Variants in PPP2R2D observed in about 807,000 individuals in gnomAD.
PPP2R2D encodes serine/threonine-protein phosphatase 2A 55 kDa regulatory subunit B delta isoform.
A neutral mutation model predicts 31.1 loss-of-function variants in PPP2R2D; 9 were observed. The observed-to-expected ratio is 0.29, with a 90% CI of 0.17 to 0.51. The LOEUF (loss-of-function observed/expected upper bound fraction) is 0.51, where lower values mean the gene tolerates loss of function less well. Among genes scored for constraint, PPP2R2D ranks in the 20% least tolerant of loss-of-function variants. The pLI is 0.98. For missense variants in PPP2R2D, 391 were observed against 465.6 expected (o/e 0.84, Z 1.48); for synonymous variants, 179 against 172.6 (o/e 1.04, Z -0.29).
intron 2 of PPP2R2D, among the ~76,000 whole-genome samples, chr10:131,928,598 G>C (rs1589941873): frequency 6.6e-6 from 1 of 152,232 alleles, no homozygotes; most frequent in South Asian, 2.1e-4. Context: ...TGGACATTGG[G>C]CTCTGAGGCT....
At chr10:131,903,991 G>A (rs1589918008) in intron 2 of PPP2R2D, among the ~76,000 whole-genome samples, 1 of 151,972 alleles carries the variant, frequency 6.6e-6, no homozygotes, top group South Asian at 2.1e-4. Context: ...ATCACTTGAG[G>A]TCAGGAGTTT....
At position 131,945,625 on chromosome 10, in the gene PPP2R2D, A is replaced by C; in HGVS notation, c.820+166A>C. ...CAGGCAGGTGCCACCATGCCCAGCT[A>C]GTTTTTGTATTTTTAGTACAGACAG... On this transcript the variant is annotated intron_variant, in intron 7 of 8. Transcript: ENST00000455566. The surrounding 1 kb of genome is among the most constrained non-coding windows in gnomAD (Gnocchi z 4.8). 2.7e-6 allele frequency: 2 copies of C among 751,248 alleles called. No individual in the cohort carries two copies. Among genetic ancestry groups the C allele is most frequent in the Non-Finnish European group, 4.2e-6 (2 of 478,458 alleles). The allele number at this position is 751,248 out of a possible 1,614,324, so 46.5% of individuals were successfully genotyped here. A position where few individuals can be genotyped will look rare whatever the true frequency, so the allele number is the denominator to read the frequency against.
intron 8 of PPP2R2D, among the ~76,000 whole-genome samples, chr10:131,953,767 G>C (rs1277652631): frequency 8.0e-6 from 1 of 125,544 alleles, no homozygotes; most frequent in African/African-American, 3.0e-5. Context: ...TTAGTGACTT[G>C]CGAGTGTGCG....
Position 131,947,411 on chromosome 10 carries a change from G to A in PPP2R2D, c.821-119G>A. The A allele has an allele frequency of 2.0e-6, 2 of 1,017,886 alleles. No individual in the cohort carries two copies. Among genetic ancestry groups the A allele is most frequent in the Non-Finnish European group, 2.8e-6 (2 of 710,922 alleles). 63.1% of individuals were successfully genotyped at this position (1,017,886 alleles called of 1,614,324 possible). Reference sequence around the variant, plus strand: ...AGAATCAGAAAGATCAGAAGACCTAGTGTTGAGGCCAAGCCCTTCCAGAGT... The same window carrying A: ...AGAATCAGAAAGATCAGAAGACCTAATGTTGAGGCCAAGCCCTTCCAGAGT... On this transcript the variant is annotated intron_variant, in intron 7 of 8. Transcript: ENST00000455566. This position sits in a 1 kb window ranked among gnomAD's most constrained non-coding sequence, Gnocchi z 4.3.
intron 2 of PPP2R2D, among the ~76,000 whole-genome samples, chr10:131,923,923 A>C (rs1589937331): frequency 6.6e-6 from 1 of 152,068 alleles, no homozygotes; most frequent in East Asian, 1.9e-4. Flanking sequence ...CAGCCGGCTA[A>C]CTTTTAAAAA....
chr10:131,935,104 A>G, intron 3 of PPP2R2D: 2 of 376,436 alleles, frequency 5.3e-6, no homozygotes, highest in South Asian at 3.8e-5. Flanking sequence ...CCCACAGCTC[A>G]TAAGCAAGCA....
chr10:131,952,014 G>T (rs1169869337), intron 8 of PPP2R2D, among the ~76,000 whole-genome samples: 2 of 151,572 alleles, frequency 1.3e-5, no homozygotes, highest in Non-Finnish European at 2.9e-5. Flanking sequence ...TCTCTTAGCA[G>T]TGACTTGCGG....
intron 2 of PPP2R2D, among the ~76,000 whole-genome samples, chr10:131,921,990 C>T (rs1231946738): frequency 6.6e-6 from 1 of 152,168 alleles, no homozygotes; most frequent in Non-Finnish European, 1.5e-5. Context: ...TCTCATTTTT[C>T]AGCATGGCAT....
chr10:131,947,733 C>T lies in PPP2R2D; in HGVS notation c.1024C>T (p.Leu342Phe). Reference sequence around the variant, plus strand: ...GTACCTGCGCAGCAAGCTCTGCTCTCTCTATGAGAACGACTGCATCTTTGA... The same window carrying T: ...GTACCTGCGCAGCAAGCTCTGCTCTTTCTATGAGAACGACTGCATCTTTGA... ...HEYLRSKLCS[L>F]YENDCIFDKF... Residue 342 changes from leucine (L) to phenylalanine (F), a missense_variant, in exon 8 of 9, where the codon CTC becomes TTC. Leu to Phe is a conservative substitution (Grantham distance 22). Coordinates refer to ENST00000455566, the MANE Select transcript of PPP2R2D (RefSeq NM_018461.5). The surrounding 1 kb of genome is among the most constrained non-coding windows in gnomAD (Gnocchi z 4.3). 6.2e-7 allele frequency: 1 copy of T among 1,614,194 alleles called. No homozygotes were observed. Among genetic ancestry groups the T allele is most frequent in the Non-Finnish European group, 8.5e-7 (1 of 1,180,040 alleles).
chr10:131,913,482 A>G (rs891398234), intron 2 of PPP2R2D, among the ~76,000 whole-genome samples: 41 of 152,112 alleles, frequency 2.7e-4, no homozygotes, highest in African/African-American at 9.4e-4. Context: ...GATTTTTTGT[A>G]TTGCTGTTGC....
chr10:131,970,462 G>A, the PPP2R2D span: 2 of 931,192 alleles, frequency 2.1e-6, no homozygotes, highest in Non-Finnish European at 1.6e-6. The surrounding 1 kb of genome is among the most constrained non-coding windows in gnomAD (Gnocchi z 4.1). Context: ...GGGGCCTTTG[G>A]GGGCTGCAGG....
intron 2 of PPP2R2D, among the ~76,000 whole-genome samples, chr10:131,908,011 C>T (rs1399818129): frequency 6.6e-6 from 1 of 152,184 alleles, no homozygotes; most frequent in African/African-American, 2.4e-5. Flanking sequence ...GAAGTTAAAT[C>T]AGAAGCTTTT....
At position 131,943,949 on chromosome 10, in the gene PPP2R2D, T is replaced by C. The variant is rs782133524; in HGVS notation, c.478-19T>C. On this transcript the variant is annotated intron_variant, in intron 5 of 8. Transcript: ENST00000455566. ...TGCTGTGATCTTTGTTTTGAATTCC[T>C]ATTTCCTTCCATTTTTAGGTCCCAA... is the stretch of plus-strand genomic sequence containing the variant. 8.7e-6 allele frequency: 7 copies of C among 806,876 alleles called. No individual in the cohort carries two copies. Among genetic ancestry groups the C allele is most frequent in the Non-Finnish European group, 1.6e-5 (7 of 446,334 alleles). The allele number at this position is 806,876 out of a possible 1,614,324, so 50.0% of individuals were successfully genotyped here.
At chr10:131,942,681 A>G (rs1459315410) in intron 5 of PPP2R2D, among the ~76,000 whole-genome samples, 2 of 152,218 alleles carry the variant, frequency 1.3e-5, no homozygotes, top group East Asian at 3.9e-4. Context: ...CAGCCTGGGC[A>G]ACATAGCCAG....
chr10:131,932,136 G>A (rs1473791149), intron 2 of PPP2R2D, among the ~76,000 whole-genome samples: 2 of 152,130 alleles, frequency 1.3e-5, no homozygotes, highest in South Asian at 2.1e-4. Context: ...GGGTGGCTGC[G>A]GACACTTTGC....
intron 5 of PPP2R2D, 125 bp downstream of exon 5, chr10:131,940,819 T>C: frequency 3.4e-6 from 2 of 584,750 alleles, no homozygotes; most frequent in Middle Eastern, 5.3e-4. Flanking sequence ...GCCTCGTGAT[T>C]CCTGAAAGTC....
downstream of PPP2R2D, among the ~76,000 whole-genome samples, chr10:131,961,220 C>G (rs1247071699): frequency 6.6e-6 from 1 of 152,228 alleles, no homozygotes; most frequent in Non-Finnish European, 1.5e-5. Flanking sequence ...GCGCTCTTCC[C>G]TTGGGTCCCG....
intron 3 of PPP2R2D, 94 bp downstream of exon 3, chr10:131,934,649 C>T: frequency 2.8e-6 from 2 of 710,114 alleles, no homozygotes; most frequent in South Asian, 1.6e-5. Context: ...CTCATTGTCT[C>T]ATTTCATTAA....
At position 131,945,557 on chromosome 10, in the gene PPP2R2D, T is replaced by A; in HGVS notation, c.820+98T>A. On this transcript the variant is annotated intron_variant, in intron 7 of 8. Coordinates refer to ENST00000455566, the MANE Select transcript of PPP2R2D (RefSeq NM_018461.5). The surrounding 1 kb of genome is among the most constrained non-coding windows in gnomAD (Gnocchi z 4.8). ...TCACGGCAAGCTCCGCCTCCCGGGT[T>A]CCAGCAAGTCTTCTGCCTCGGCCTC... The A allele has an allele frequency of 7.1e-7, 1 of 1,400,454 alleles. No homozygotes were observed. The highest frequency in any genetic ancestry group is 1.4e-5 in the South Asian group (1 of 72,180). The allele number at this position is 1,400,454 out of a possible 1,614,324, so 86.8% of individuals were successfully genotyped here. A position where few individuals can be genotyped will look rare whatever the true frequency, so the allele number is the denominator to read the frequency against.
Sources: allele counts gnomAD v4.1 joint callset (sites outside exome capture counted in the v4.1 genomes callset), GRCh38; gene constraint gnomAD v4.1.1; non-coding constraint Gnocchi (gnomAD v3.1); transcripts MANE v1.5; gene names NCBI Gene and HGNC (gene_info 2026-07-23, HGNC 2026-07-21).